GRID1: variants seen among roughly 807,000 people sequenced by gnomAD.
GRID1 encodes the protein glutamate ionotropic receptor delta type subunit 1, also known as glutamate receptor ionotropic, delta-1.
In GRID1, 28 loss-of-function variants were observed where a neutral mutation model predicts 98.0. The observed-to-expected ratio is 0.29, with a 90% CI of 0.21 to 0.39. GRID1 has a LOEUF of 0.39. Ranked by LOEUF, GRID1 falls within the 10% of genes least tolerant of loss-of-function variation. The pLI is 1.00. For synonymous variants in GRID1, 553 were observed against 538.5 expected (o/e 1.03, Z -0.37); for missense variants, 1,111 against 1,340.5 (o/e 0.83, Z 2.67).
At chr10:85,712,504 T>G (rs1028190486) in intron 12 of GRID1, among the ~76,000 whole-genome samples, 6 of 151,812 alleles carry the variant, frequency 4.0e-5, no homozygotes, top group Non-Finnish European at 7.4e-5. Context: ...CTTTCAACAA[T>G]GGAAAGATCA....
At chr10:85,707,481 G>T (rs1435746599) in intron 12 of GRID1, among the ~76,000 whole-genome samples, 1 of 152,218 alleles carries the variant, frequency 6.6e-6, no homozygotes, top group Non-Finnish European at 1.5e-5. Context: ...TGGAGAGGAT[G>T]TGGAGAAATA....
intron 4 of GRID1, among the ~76,000 whole-genome samples, chr10:86,113,496 C>T (rs1304968021): frequency 1.3e-5 from 2 of 152,218 alleles, no homozygotes; most frequent in African/African-American, 4.8e-5. Flanking sequence ...GTCACATAGC[C>T]GAAAGTAGCC....
chr10:86,279,482 A>C (rs772334621), intron 2 of GRID1, among the ~76,000 whole-genome samples: 3 of 152,244 alleles, frequency 2.0e-5, no homozygotes, highest in South Asian at 2.1e-4. Context: ...AAATCACCAT[A>C]TCACCAAGCC....
chr10:86,101,273 G>T (rs1431217970), intron 4 of GRID1, among the ~76,000 whole-genome samples: 2 of 152,116 alleles, frequency 1.3e-5, no homozygotes, highest in African/African-American at 4.8e-5. Flanking sequence ...ACTAGGACTT[G>T]TTTTTTAAAT....
chr10:85,798,351 G>A (rs986328353), intron 8 of GRID1, among the ~76,000 whole-genome samples: 1 of 152,142 alleles, frequency 6.6e-6, no homozygotes, highest in Admixed American at 6.6e-5. Flanking sequence ...AGACAATATA[G>A]AAATTAAGGC....
chr10:85,819,454 C>T (rs1317575241), intron 8 of GRID1, among the ~76,000 whole-genome samples: 1 of 152,116 alleles, frequency 6.6e-6, no homozygotes, highest in African/African-American at 2.4e-5. Context: ...TATCATATGA[C>T]AAAAACTAGT....
intron 2 of GRID1, among the ~76,000 whole-genome samples, chr10:86,211,445 AG>A: frequency 6.6e-6 from 1 of 152,270 alleles, no homozygotes. Context: ...GGGAAAGTGG[AG>A]GGTCCCCACA....
chr10:85,931,193 T>A (rs1189051950), intron 4 of GRID1, among the ~76,000 whole-genome samples: 1 of 151,900 alleles, frequency 6.6e-6, no homozygotes, highest in Non-Finnish European at 1.5e-5. Flanking sequence ...CTACTCTCCC[T>A]CCTCCCCTTT....
intron 3 of GRID1, among the ~76,000 whole-genome samples, chr10:86,160,057 TATC>T (rs928153201): frequency 2.0e-5 from 3 of 150,504 alleles, no homozygotes; most frequent in African/African-American, 4.9e-5. Context: ...TCATCATCAT[TATC>T]ATCATCATCA....
intron 2 of GRID1, among the ~76,000 whole-genome samples, chr10:86,251,481 C>T (rs555765441): frequency 3.3e-5 from 5 of 152,258 alleles, no homozygotes; most frequent in African/African-American, 4.8e-5. Context: ...CTCATGTCTG[C>T]GGGAGCTGGT....
intron 2 of GRID1, among the ~76,000 whole-genome samples, chr10:86,333,692 G>A (rs562191233): frequency 6.6e-5 from 10 of 152,286 alleles, no homozygotes; most frequent in African/African-American, 2.4e-4. Flanking sequence ...CATGTTGAAT[G>A]TATTATATAC....
intron 13 of GRID1, among the ~76,000 whole-genome samples, chr10:85,634,289 TC>T (rs1843010933): frequency 8.3e-6 from 1 of 120,064 alleles, no homozygotes; most frequent in Admixed American, 7.9e-5. Flanking sequence ...TCTCTCTCTC[TC>T]TCACACACAC....
At chr10:85,910,906 G>A (rs1841528406) in intron 5 of GRID1, among the ~76,000 whole-genome samples, 1 of 152,170 alleles carries the variant, frequency 6.6e-6, no homozygotes, top group African/African-American at 2.4e-5. Flanking sequence ...TGCAAGAAAG[G>A]GAAGTCCTAG....
intron 13 of GRID1, among the ~76,000 whole-genome samples, chr10:85,625,405 A>G (rs533672488): frequency 1.3e-5 from 2 of 152,376 alleles, no homozygotes; most frequent in African/African-American, 4.8e-5. Context: ...TTTTTGGCCT[A>G]CTTCTAAACA....
At chr10:85,968,144 C>T (rs1842360757) in intron 4 of GRID1, among the ~76,000 whole-genome samples, 2 of 152,146 alleles carry the variant, frequency 1.3e-5, no homozygotes, top group Non-Finnish European at 2.9e-5. Context: ...ACTCTGTCCT[C>T]CTATTTGATC....
chr10:85,954,998 G>A lies in GRID1; in HGVS notation c.727-38759C>T, dbSNP rs114513402. On this transcript the variant is annotated intron_variant, in intron 4 of 15. Transcript: ENST00000327946. ...TAGGTCTAAAGGATTGGAGTCTACAGGTACAAGTATACAAAAAATACAAAA... is the reference window on the plus strand; with the variant it reads ...TAGGTCTAAAGGATTGGAGTCTACAAGTACAAGTATACAAAAAATACAAAA... Among the ~76,000 whole-genome samples, 498 of 152,200 alleles carry A rather than the reference G, an allele frequency of 3.3e-3. 3 individuals carry two copies. The highest frequency in any genetic ancestry group is 0.012 in the African/African-American group (483 of 41,514).
intron 13 of GRID1, among the ~76,000 whole-genome samples, chr10:85,631,989 A>G (rs561103922): frequency 0.013 from 1,508 of 112,892 alleles, 7 homozygotes; most frequent in East Asian, 0.025. Flanking sequence ...ACATATGCAC[A>G]CACACACACA....
At chr10:86,112,271 A>G (rs1844500135) in intron 4 of GRID1, among the ~76,000 whole-genome samples, 1 of 152,156 alleles carries the variant, frequency 6.6e-6, no homozygotes, top group African/African-American at 2.4e-5. Context: ...GGCGTGGCCC[A>G]GCTCTGTCTC....
chr10:86,177,812 C>T (rs768243435), intron 3 of GRID1, among the ~76,000 whole-genome samples: 14 of 151,796 alleles, frequency 9.2e-5, no homozygotes, highest in Non-Finnish European at 1.6e-4. Context: ...GAGACTTTAG[C>T]GTATGCACGC....
Sources: gnomAD v4.1 joint callset for allele counts (sites outside exome capture counted in the v4.1 genomes callset) on GRCh38, gnomAD v4.1.1 for gene constraint, MANE v1.5 for transcripts, NCBI Gene and HGNC (gene_info 2026-07-23, HGNC 2026-07-21) for gene names.